Variants in MARS2 observed in about 807,000 individuals in gnomAD.
The protein encoded by MARS2 is methionyl-tRNA synthetase 2, mitochondrial.
In MARS2, 33 loss-of-function variants were observed where a neutral mutation model predicts 43.8. That is an observed-to-expected ratio of 0.75 (90% CI 0.57 to 1.01). The LOEUF is 1.01. Among genes scored for constraint, MARS2 ranks in the 50% least tolerant of loss-of-function variants. The probability of loss-of-function intolerance (pLI) is 0.00; values close to 1 mark genes in which losing one functional copy is unlikely to be tolerated. For missense variants in MARS2, 720 were observed against 763.0 expected (o/e 0.94, Z 0.66); for synonymous variants, 351 against 325.5 (o/e 1.08, Z -0.84).
chr2:197,708,024 G>A lies in MARS2; in HGVS notation c.*837G>A, dbSNP rs930831376. 33 of 167,024 alleles carry A rather than the reference G, an allele frequency of 2.0e-4. No homozygotes were observed. In the Admixed American group the frequency reaches 2.2e-3, roughly 11 times the overall value. 10.3% of individuals were successfully genotyped at this position (167,024 alleles called of 1,614,324 possible). On this transcript the variant is annotated 3_prime_UTR_variant, in exon 1 of 1. Transcript: ENST00000282276. ...ACTACTGAAAAATGACATTTACTCT[G>A]TTAAATGTTTAATAAGTGAATAAGT...
chr2:197,705,420 C>T lies in MARS2; in HGVS notation c.15C>T (p.Ser5=), dbSNP rs945581948. 1 of 1,610,050 alleles carries T rather than the reference C, an allele frequency of 6.2e-7. No individual in the cohort carries two copies. Among genetic ancestry groups the T allele is most frequent in the Non-Finnish European group, 8.5e-7 (1 of 1,178,818 alleles). The change falls in exon 1 of 1, where the codon TCC becomes TCT. Residue 5 remains serine, a synonymous_variant. Transcript: ENST00000282276. MLRT[S]VLRLLGRTGA... ...CGGTCTGCACCATGCTGCGAACGTCCGTCCTCCGCCTGCTAGGACGCACGG... is the reference window on the plus strand; with the variant it reads ...CGGTCTGCACCATGCTGCGAACGTCTGTCCTCCGCCTGCTAGGACGCACGG...
At position 197,707,204 on chromosome 2, in the gene MARS2, G is replaced by T; in HGVS notation, c.*17G>T. 2 of 1,572,134 alleles carry T rather than the reference G, an allele frequency of 1.3e-6. No individual in the cohort carries two copies. The highest frequency in any genetic ancestry group is 1.7e-6 in the Non-Finnish European group (2 of 1,163,016). Reference sequence around the variant, plus strand: ...CGGACCTAGAAACTCAGTTCTTACCGGCTTGTGGTAAAAAAGCAAATGTGT... The same window carrying T: ...CGGACCTAGAAACTCAGTTCTTACCTGCTTGTGGTAAAAAAGCAAATGTGT... On this transcript the variant is annotated 3_prime_UTR_variant, in exon 1 of 1. Coordinates refer to ENST00000282276, the MANE Select transcript of MARS2 (RefSeq NM_138395.4).
rs1205013574 is a variant in MARS2 at position 197,706,728 on chromosome 2, T to C, written c.1323T>C (p.Arg441=). 2 of 1,613,982 alleles carry C rather than the reference T, an allele frequency of 1.2e-6. No homozygotes were observed. The highest frequency in any genetic ancestry group is 1.7e-6 in the Non-Finnish European group (2 of 1,180,052). The part of the protein sequence containing the change: ...SEPGLVGPSV[R]AQAEDYALVS... ...CAGGGTTGGTGGGGCCGTCAGTTCGTGCTCAGGCAGAGGATTATGCTCTGG... is the reference window on the plus strand; with the variant it reads ...CAGGGTTGGTGGGGCCGTCAGTTCGCGCTCAGGCAGAGGATTATGCTCTGG... Residue 441 remains arginine (R), a synonymous_variant, in exon 1 of 1, where the codon CGT becomes CGC. Coordinates refer to ENST00000282276, the MANE Select transcript of MARS2 (RefSeq NM_138395.4).
Position 197,706,978 on chromosome 2 carries a change from C to G in MARS2, c.1573C>G (p.Gln525Glu). 6.2e-7 allele frequency: 1 copy of G among 1,614,192 alleles called. No individual in the cohort carries two copies. The highest frequency in any genetic ancestry group is 8.5e-7 in the Non-Finnish European group (1 of 1,180,044). The change falls in exon 1 of 1, where the codon CAG becomes GAG. Residue 525 changes from glutamine to glutamate, a missense_variant. Physicochemically the swap from Gln to Glu is conservative, Grantham distance 29. Transcript: ENST00000282276. ...TTTGCGAGTCTTTGGGACTTTGCTGCAGCCTGTCACCCCAAGCCTAGCTGA... is the reference window on the plus strand; with the variant it reads ...TTTGCGAGTCTTTGGGACTTTGCTGGAGCCTGTCACCCCAAGCCTAGCTGA... ...ECLRVFGTLL[Q>E]PVTPSLADKL...
rs1462364626 is a variant in MARS2, at chr2:197,705,586, G to T, written c.181G>T (p.Gly61Trp). 6.2e-7 allele frequency: 1 copy of T among 1,613,112 alleles called. No individual in the cohort carries two copies. Among genetic ancestry groups the T allele is most frequent in the South Asian group, 1.1e-5 (1 of 91,062 alleles). Residue 61 changes from glycine (G) to tryptophan (W), a missense_variant, in exon 1 of 1, where the codon GGG (glycine) becomes TGG (tryptophan). Gly to Trp is a radical substitution (Grantham distance 184). Transcript: ENST00000282276. ...CTACGTGAACGCGGCGCCGCACATC[G>T]GGCACCTGTACTCGGCACTACTGGC... ...IFYVNAAPHIGHLYSALLADA... is the reference protein window; with the variant it reads ...IFYVNAAPHIWHLYSALLADA...
chr2:197,705,800 G>C lies in MARS2; in HGVS notation c.395G>C (p.Cys132Ser). 1 of 1,613,566 alleles carries C rather than the reference G, an allele frequency of 6.2e-7. No homozygotes were observed. The highest frequency in any genetic ancestry group is 8.5e-7 in the Non-Finnish European group (1 of 1,180,042). Residue 132 changes from cysteine to serine, a missense_variant, in exon 1 of 1, where the codon TGC becomes TCC. Coordinates refer to ENST00000282276, the MANE Select transcript of MARS2 (RefSeq NM_138395.4). ...QQLFQEAGIS[C>S]TDFIRTTEAR... ...CTTTTCCAGGAGGCCGGTATCTCCT[G>C]CACAGATTTCATCCGCACCACGGAG...
At position 197,707,519 on chromosome 2, in the gene MARS2, T is replaced by C. The variant is rs775600976; in HGVS notation, c.*332T>C. Reference sequence around the variant, plus strand: ...ACTACCTCTCGTGGCTGGTTTTTCATTGGCCTGGCCTCTGCTTCTCAGGCT... The same window carrying C: ...ACTACCTCTCGTGGCTGGTTTTTCACTGGCCTGGCCTCTGCTTCTCAGGCT... On this transcript the variant is annotated 3_prime_UTR_variant, in exon 1 of 1. Transcript: ENST00000282276. The C allele has an allele frequency of 1.6e-4, 42 of 258,834 alleles. No homozygotes were observed. The highest frequency in any genetic ancestry group is 3.0e-4 in the Non-Finnish European group (37 of 124,344). The allele number at this position is 258,834 out of a possible 1,614,324, so 16.0% of individuals were successfully genotyped here.
rs751190514 is a variant in MARS2 at position 197,706,036 on chromosome 2, T to C, written c.631T>C (p.Tyr211His). Reference sequence around the variant, plus strand: ...AGTCTCCTGGACCAAGGAAGAAAACTACATTTTCAGGCTTTCCCAGTTCCG... The same window carrying C: ...AGTCTCCTGGACCAAGGAAGAAAACCACATTTTCAGGCTTTCCCAGTTCCG... ...HPVSWTKEEN[Y>H]IFRLSQFRKP... The change falls in exon 1 of 1, where the codon TAC (tyrosine) becomes CAC (histidine). Residue 211 changes from tyrosine (Y) to histidine (H), a missense_variant. Tyr to His is a moderately conservative substitution (Grantham distance 83). Coordinates refer to ENST00000282276, the MANE Select transcript of MARS2 (RefSeq NM_138395.4). The C allele has an allele frequency of 6.2e-7, 1 of 1,614,160 alleles. No homozygotes were observed. The highest frequency in any genetic ancestry group is 2.2e-5 in the East Asian group (1 of 44,888).
rs2089486415 is a variant in MARS2 at position 197,707,528 on chromosome 2, C to T, written c.*341C>T. 2 of 238,106 alleles carry T rather than the reference C, an allele frequency of 8.4e-6. No individual in the cohort carries two copies. The highest frequency in any genetic ancestry group is 1.8e-3 in the Middle Eastern group (1 of 564). 14.7% of individuals were successfully genotyped at this position (238,106 alleles called of 1,614,324 possible). On this transcript the variant is annotated 3_prime_UTR_variant, in exon 1 of 1. Coordinates refer to ENST00000282276, the MANE Select transcript of MARS2 (RefSeq NM_138395.4). ...CGTGGCTGGTTTTTCATTGGCCTGG[C>T]CTCTGCTTCTCAGGCTAATTAGTGA...
At position 197,705,403 on chromosome 2, in the gene MARS2, A is replaced by T; in HGVS notation, c.-3A>T. ...CCTCCTCCGCTTGCGGCCGGTCTGCACCATGCTGCGAACGTCCGTCCTCCG... is the reference window on the plus strand; with the variant it reads ...CCTCCTCCGCTTGCGGCCGGTCTGCTCCATGCTGCGAACGTCCGTCCTCCG... On this transcript the variant is annotated 5_prime_UTR_variant, in exon 1 of 1. Transcript: ENST00000282276. 6.2e-7 allele frequency: 1 copy of T among 1,606,942 alleles called. No individual in the cohort carries two copies. The highest frequency in any genetic ancestry group is 8.5e-7 in the Non-Finnish European group (1 of 1,177,136).
In MARS2 at chr2:197,705,554, C is replaced by G. The variant is rs1409210312; in HGVS notation, c.149C>G (p.Pro50Arg). 1.2e-6 allele frequency: 2 copies of G among 1,613,228 alleles called. No individual in the cohort carries two copies. The highest frequency in any genetic ancestry group is 1.3e-5 in the African/African-American group (1 of 74,940). ...ACDVRAYFTTPIFYVNAAPHI... is the reference protein window; with the variant it reads ...ACDVRAYFTTRIFYVNAAPHI... ...GATGTGCGCGCCTACTTCACTACACCCATTTTCTACGTGAACGCGGCGCCG... is the reference window on the plus strand; with the variant it reads ...GATGTGCGCGCCTACTTCACTACACGCATTTTCTACGTGAACGCGGCGCCG... Residue 50 changes from proline to arginine, a missense_variant, in exon 1 of 1, where the codon CCC (proline) becomes CGC (arginine). Physicochemically the swap from Pro to Arg is moderately radical, Grantham distance 103. Coordinates refer to ENST00000282276, the MANE Select transcript of MARS2 (RefSeq NM_138395.4).
Position 197,707,310 on chromosome 2 carries a change from C to G in MARS2, c.*123C>G. 1.1e-6 allele frequency: 1 copy of G among 916,878 alleles called. No individual in the cohort carries two copies. The highest frequency in any genetic ancestry group is 1.6e-6 in the Non-Finnish European group (1 of 611,874). The allele number at this position is 916,878 out of a possible 1,614,324, so 56.8% of individuals were successfully genotyped here. A position where few individuals can be genotyped will look rare whatever the true frequency, so the allele number is the denominator to read the frequency against. On this transcript the variant is annotated 3_prime_UTR_variant, in exon 1 of 1. Transcript: ENST00000282276. ...AATCAAATGAGCACATAAGCTGTGTCCCTGTGAAAAGAGGTTTGTAGCCTT... is the reference window on the plus strand; with the variant it reads ...AATCAAATGAGCACATAAGCTGTGTGCCTGTGAAAAGAGGTTTGTAGCCTT...
chr2:197,706,543 C>T lies in MARS2; in HGVS notation c.1138C>T (p.Pro380Ser), dbSNP rs751735248. The T allele has an allele frequency of 1.9e-6, 3 of 1,614,244 alleles. No individual in the cohort carries two copies. The highest frequency in any genetic ancestry group is 2.2e-5 in the South Asian group (2 of 91,086). Reference protein sequence around the residue: ...FRYFLLRQGVPNWDCDYYDEK... With the variant: ...FRYFLLRQGVSNWDCDYYDEK... Reference sequence around the variant, plus strand: ...CTACTTTCTCCTTCGGCAGGGCGTCCCCAACTGGGACTGTGACTACTATGA... The same window carrying T: ...CTACTTTCTCCTTCGGCAGGGCGTCTCCAACTGGGACTGTGACTACTATGA... The change falls in exon 1 of 1, where the codon CCC becomes TCC. Residue 380 changes from proline (P) to serine (S), a missense_variant. Coordinates refer to ENST00000282276, the MANE Select transcript of MARS2 (RefSeq NM_138395.4).
Position 197,707,954 on chromosome 2 carries a change from GC to G in MARS2, c.*768del, listed in dbSNP as rs1292449868. On this transcript the variant is annotated 3_prime_UTR_variant, in exon 1 of 1. Coordinates refer to ENST00000282276, the MANE Select transcript of MARS2 (RefSeq NM_138395.4). Reference sequence around the variant, plus strand: ...GCAACCACTATTGTTTTAATGGAAAGCAAAAAACCCCCCCAAACTTATCAGA... The same window carrying G: ...GCAACCACTATTGTTTTAATGGAAAGAAAAAACCCCCCCAAACTTATCAGA... The G allele has an allele frequency of 1.2e-5, 2 of 167,052 alleles. No homozygotes were observed. The highest frequency in any genetic ancestry group is 4.8e-5 in the African/African-American group (2 of 41,440). 10.3% of individuals were successfully genotyped at this position (167,052 alleles called of 1,614,324 possible). A position where few individuals can be genotyped will look rare whatever the true frequency, so the allele number is the denominator to read the frequency against.
At position 197,705,604 on chromosome 2, in the gene MARS2, C is replaced by T. The variant is rs147398599; in HGVS notation, c.199C>T (p.Leu67=). The change falls in exon 1 of 1, where the codon CTA becomes TTA. Residue 67 remains leucine, a synonymous_variant. Transcript: ENST00000282276. The part of the protein sequence containing the change: ...APHIGHLYSA[L]LADALCRHRR... ...GCACATCGGGCACCTGTACTCGGCA[C>T]TACTGGCGGACGCCCTATGCCGCCA... 2 of 1,612,660 alleles carry T rather than the reference C, an allele frequency of 1.2e-6. No homozygotes were observed. The highest frequency in any genetic ancestry group is 1.1e-5 in the South Asian group (1 of 91,050).
At position 197,705,589 on chromosome 2, in the gene MARS2, C is replaced by A; in HGVS notation, c.184C>A (p.His62Asn). 3.7e-6 allele frequency: 6 copies of A among 1,613,178 alleles called. No individual in the cohort carries two copies. Among genetic ancestry groups the A allele is most frequent in the Non-Finnish European group, 5.1e-6 (6 of 1,179,946 alleles). ...CGTGAACGCGGCGCCGCACATCGGG[C>A]ACCTGTACTCGGCACTACTGGCGGA... ...FYVNAAPHIG[H>N]LYSALLADAL... The change falls in exon 1 of 1, where the codon CAC (histidine) becomes AAC (asparagine). Residue 62 changes from histidine to asparagine, a missense_variant. Transcript: ENST00000282276.
At position 197,707,076 on chromosome 2, in the gene MARS2, C is replaced by G; in HGVS notation, c.1671C>G (p.Phe557Leu). The G allele has an allele frequency of 6.2e-7, 1 of 1,614,154 alleles. No homozygotes were observed. Among genetic ancestry groups the G allele is most frequent in the African/African-American group, 1.3e-5 (1 of 75,036 alleles). The change falls in exon 1 of 1, where the codon TTC becomes TTG. Residue 557 changes from phenylalanine to leucine, a missense_variant. Coordinates refer to ENST00000282276, the MANE Select transcript of MARS2 (RefSeq NM_138395.4). Reference protein sequence around the residue: ...SLGELYFLPRFYGHPCPFEGR... With the variant: ...SLGELYFLPRLYGHPCPFEGR... Reference sequence around the variant, plus strand: ...GAGAGCTCTATTTCTTGCCTCGATTCTATGGACATCCATGCCCTTTTGAAG... The same window carrying G: ...GAGAGCTCTATTTCTTGCCTCGATTGTATGGACATCCATGCCCTTTTGAAG...
At position 197,707,002 on chromosome 2, in the gene MARS2, G is replaced by A. The variant is rs2089482225; in HGVS notation, c.1597G>A (p.Asp533Asn). The A allele has an allele frequency of 3.7e-6, 6 of 1,614,178 alleles. No individual in the cohort carries two copies. The highest frequency in any genetic ancestry group is 4.2e-6 in the Non-Finnish European group (5 of 1,180,042). Residue 533 changes from aspartate (D) to asparagine (N), a missense_variant, in exon 1 of 1, where the codon GAC (aspartate) becomes AAC (asparagine). Transcript: ENST00000282276. The part of the protein sequence containing the change: ...LLQPVTPSLA[D>N]KLLSRLGVSA... ...GCAGCCTGTCACCCCAAGCCTAGCT[G>A]ACAAGCTGCTGTCTAGGCTGGGGGT... is the stretch of plus-strand genomic sequence containing the variant.
Position 197,706,168 on chromosome 2 carries a change from G to A in MARS2, c.763G>A (p.Val255Met), listed in dbSNP as rs1399406742. The A allele has an allele frequency of 6.2e-6, 10 of 1,614,200 alleles. No homozygotes were observed. The highest frequency in any genetic ancestry group is 1.7e-5 in the Admixed American group (1 of 60,032). The change falls in exon 1 of 1, where the codon GTG (valine) becomes ATG (methionine). Residue 255 changes from valine (V) to methionine (M), a missense_variant. Val to Met is a conservative substitution (Grantham distance 21). Transcript: ENST00000282276. ...GGACGAGGAGCTGCCCGACCTGTCCGTGTCTCGCAGAAGTAGCCACTTGCA... is the reference window on the plus strand; with the variant it reads ...GGACGAGGAGCTGCCCGACCTGTCCATGTCTCGCAGAAGTAGCCACTTGCA... ...WLDEELPDLS[V>M]SRRSSHLHWG...
Sources: gnomAD v4.1 joint callset for allele counts on GRCh38, gnomAD v4.1.1 for gene constraint, MANE v1.5 for transcripts, NCBI Gene and HGNC (gene_info 2026-07-23, HGNC 2026-07-21) for gene names.